SLIT2: variants seen among roughly 807,000 people sequenced by gnomAD.
SLIT2 encodes slit homolog 2 protein.
A neutral mutation model predicts 185.7 loss-of-function variants in SLIT2; 41 were observed. The ratio of observed to expected loss-of-function variants is 0.22; its 90% CI spans 0.17 to 0.29. The LOEUF is 0.29. Among genes scored for constraint, SLIT2 ranks in the 10% least tolerant of loss-of-function variants. The probability of loss-of-function intolerance (pLI) is 1.00; values close to 1 mark genes in which losing one functional copy is unlikely to be tolerated. For synonymous variants in SLIT2, 693 were observed against 680.2 expected (o/e 1.02, Z -0.29); for missense variants, 1,571 against 1,909.0 (o/e 0.82, Z 3.30).
In SLIT2 at chr4:20,252,652, C is replaced by A. The variant is rs898013627; in HGVS notation, c.-1164C>A. Among the ~76,000 whole-genome samples the A allele has an allele frequency of 2.0e-5, 3 of 152,240 alleles. No individual in the cohort carries two copies. Among genetic ancestry groups the A allele is most frequent in the Non-Finnish European group, 4.4e-5 (3 of 68,040 alleles). On this transcript the variant is annotated 5_prime_UTR_variant, in exon 1 of 37. The change creates a new upstream start codon in the 5' untranslated region. Transcript: ENST00000504154. The stretch of plus-strand genomic sequence containing the variant: ...TTCTTCTACCTTTGCCATCAGGTGT[C>A]TGCCGCGGAGCTGCGGCTTATCTGG...
chr4:20,555,603 A>G (rs1724185663), intron 26 of SLIT2, among the ~76,000 whole-genome samples: 1 of 152,114 alleles, frequency 6.6e-6, no homozygotes, highest in African/African-American at 2.4e-5. Flanking sequence ...GATGTAGGAC[A>G]CTTCATGGTT....
chr4:20,534,634 A>AT (rs1242337707), intron 18 of SLIT2, among the ~76,000 whole-genome samples: 1 of 152,186 alleles, frequency 6.6e-6, no homozygotes, highest in East Asian at 1.9e-4. Flanking sequence ...TTTGTAACCA[A>AT]GAAGCAGTCC....
At chr4:20,569,838 A>G (rs922544270) in intron 29 of SLIT2, among the ~76,000 whole-genome samples, 2 of 152,234 alleles carry the variant, frequency 1.3e-5, no homozygotes, top group East Asian at 1.9e-4. Flanking sequence ...CATTTCATTT[A>G]CTATGTCTGT....
intron 33 of SLIT2, 21 bp from the exon 34 acceptor site, chr4:20,609,992 C>T: frequency 6.3e-7 from 1 of 1,579,768 alleles, no homozygotes. Context: ...GAAGAATCAG[C>T]CATTTTTTTT....
At chr4:20,393,308 A>T (rs1443310523) in intron 4 of SLIT2, 1 of 152,076 alleles carries the variant, frequency 6.6e-6, no homozygotes. Context: ...AGCAGCAAAT[A>T]GAAGCCTAAT....
At chr4:20,378,405 A>G (rs1577534963) in intron 4 of SLIT2, among the ~76,000 whole-genome samples, 1 of 152,134 alleles carries the variant, frequency 6.6e-6, no homozygotes, top group East Asian at 1.9e-4. Flanking sequence ...GTAAATGACT[A>G]TTTATCCTTT....
At chr4:20,598,558 C>G (rs1234611127) in intron 33 of SLIT2, among the ~76,000 whole-genome samples, 163 bp downstream of exon 33, 3 of 152,100 alleles carry the variant, frequency 2.0e-5, no homozygotes, top group Non-Finnish European at 4.4e-5. Flanking sequence ...AGGGCATACT[C>G]AAACTGGAGA....
At position 20,530,126 on chromosome 4, in the gene SLIT2, A is replaced by T. The variant is rs181448362; in HGVS notation, c.1613+1027A>T. Among the ~76,000 whole-genome samples the T allele has an allele frequency of 3.0e-3, 458 of 150,392 alleles. 1 individual carries two copies. The highest frequency in any genetic ancestry group is 0.011 in the African/African-American group (434 of 40,926). ...TTTTTTTTTTTACTCCTATTAGTTGATGAAGCTATTTCACAGCTCCAGGAA... is the reference window on the plus strand; with the variant it reads ...TTTTTTTTTTTACTCCTATTAGTTGTTGAAGCTATTTCACAGCTCCAGGAA... On this transcript the variant is annotated intron_variant, in intron 16 of 36. Coordinates refer to ENST00000504154, the MANE Select transcript of SLIT2 (RefSeq NM_004787.4).
At chr4:20,259,481 A>G (rs1712211637) in intron 3 of SLIT2, among the ~76,000 whole-genome samples, 1 of 151,720 alleles carries the variant, frequency 6.6e-6, no homozygotes, top group Non-Finnish European at 1.5e-5. Context: ...AGGAGTTTTG[A>G]TGGCTTTTTA....
At chr4:20,302,819 T>C (rs1293779594) in intron 4 of SLIT2, among the ~76,000 whole-genome samples, 1 of 152,200 alleles carries the variant, frequency 6.6e-6, no homozygotes, top group African/African-American at 2.4e-5. Flanking sequence ...ATCTATTACC[T>C]TGAACTCAGT....
At chr4:20,451,202 A>G (rs1215912074) in intron 4 of SLIT2, among the ~76,000 whole-genome samples, 2 of 152,180 alleles carry the variant, frequency 1.3e-5, no homozygotes, top group Non-Finnish European at 2.9e-5. Context: ...CCTGAAGTTC[A>G]TTCCACTGTC....
intron 5 of SLIT2, among the ~76,000 whole-genome samples, chr4:20,472,734 ATTTGT>A (rs1352599117): frequency 6.8e-6 from 1 of 147,788 alleles, no homozygotes; most frequent in Non-Finnish European, 1.5e-5. Context: ...TGTGCCACTG[ATTTGT>A]TTTCAAGTAT....
chr4:20,259,909 G>C (rs1274654518), intron 3 of SLIT2, among the ~76,000 whole-genome samples: 1 of 151,854 alleles, frequency 6.6e-6, no homozygotes, highest in East Asian at 1.9e-4. Flanking sequence ...GTTTACAACT[G>C]CCAAATCCAT....
chr4:20,498,911 T>C (rs963721150), intron 9 of SLIT2, among the ~76,000 whole-genome samples: 67 of 152,234 alleles, frequency 4.4e-4, no homozygotes, highest in Admixed American at 4.2e-3. Flanking sequence ...ATGATTTCTT[T>C]TCCTTTGGGT....
chr4:20,559,792 T>C (rs754032302), intron 26 of SLIT2, among the ~76,000 whole-genome samples: 2 of 152,016 alleles, frequency 1.3e-5, no homozygotes, highest in African/African-American at 4.8e-5. Flanking sequence ...ATTCCAAAGC[T>C]TACTGCTTAA....
At position 20,541,715 on chromosome 4, in the gene SLIT2, A is replaced by C; in HGVS notation, c.2143+96A>C. 2.8e-6 allele frequency: 3 copies of C among 1,081,730 alleles called. No individual in the cohort carries two copies. The South Asian group carries it at 4.5e-5, about 16-fold the overall frequency. 67.0% of individuals were successfully genotyped at this position (1,081,730 alleles called of 1,614,324 possible). ...TCTACAGCATAGTTCAGCTCAGCAA[A>C]TAATGATCGTGTATCTTTTGCTTTG... On this transcript the variant is annotated intron_variant, in intron 20 of 36. Transcript: ENST00000504154.
chr4:20,542,366 T>C (rs1722871102), intron 20 of SLIT2, 128 bp from the exon 21 acceptor site: 2 of 887,532 alleles, frequency 2.3e-6, no homozygotes, highest in Non-Finnish European at 3.6e-6. Context: ...ATACTGAATG[T>C]CCCGCAAATA....
intron 33 of SLIT2, among the ~76,000 whole-genome samples, chr4:20,605,139 A>G (rs1012577070): frequency 6.6e-6 from 1 of 152,150 alleles, no homozygotes; most frequent in African/African-American, 2.4e-5. Flanking sequence ...CAGCCCAGAT[A>G]CTTTAAAATT....
At chr4:20,343,798 A>G (rs1721157912) in intron 4 of SLIT2, among the ~76,000 whole-genome samples, 1 of 87,182 alleles carries the variant, frequency 1.1e-5, no homozygotes, top group African/African-American at 5.0e-5. Context: ...TGAGTCCTTA[A>G]AACTAAAAAA....
Sources: gnomAD v4.1 joint callset for allele counts (sites outside exome capture counted in the v4.1 genomes callset) on GRCh38, gnomAD v4.1.1 for gene constraint, MANE v1.5 for transcripts, NCBI Gene and HGNC (gene_info 2026-07-23, HGNC 2026-07-21) for gene names.